BRIP1: variants seen among roughly 807,000 people sequenced by gnomAD.
The protein encoded by BRIP1 is Fanconi anemia group J protein.
BRIP1 carries 88 observed loss-of-function variants against 119.7 expected under a neutral mutation model. The ratio of observed to expected loss-of-function variants is 0.74; its 90% CI spans 0.62 to 0.88. The LOEUF (loss-of-function observed/expected upper bound fraction) is 0.88, where lower values mean the gene tolerates loss of function less well. Ranked by LOEUF, BRIP1 falls within the 40% of genes least tolerant of loss-of-function variation. The pLI is 0.00. For missense variants in BRIP1, 1,259 were observed against 1,455.4 expected, an observed-to-expected ratio of 0.87 and a Z score of 2.20; for synonymous variants, 443 against 496.5, an observed-to-expected ratio of 0.89 and a Z score of 1.43.
rs565079824 is a variant in BRIP1 at position 61,704,694 on chromosome 17, ATTTTGTGGG to A, written c.2493-11191_2493-11183del. 3.3e-3 allele frequency among the ~76,000 whole-genome samples: 504 copies of A among 152,166 alleles called. 1 individual carries two copies. Among genetic ancestry groups the A allele is most frequent in the African/African-American group, 0.011 (467 of 41,526 alleles). On this transcript the variant is annotated intron_variant, in intron 17 of 19. Coordinates refer to ENST00000259008, the MANE Select transcript of BRIP1 (RefSeq NM_032043.3). This position sits in a 1 kb window ranked among gnomAD's most constrained non-coding sequence, Gnocchi z 5.7. ...TATTTCATCTTGGGTGAATTTTGGT[ATTTTGTGGG>A]TTTTGTGGAATTAATCTACTTCATC...
chr17:61,764,768 T>G (rs1001452706), intron 14 of BRIP1, among the ~76,000 whole-genome samples: 1 of 152,224 alleles, frequency 6.6e-6, no homozygotes, highest in South Asian at 2.1e-4. Flanking sequence ...GCTTCCTATA[T>G]TTATCCTTAC....
At chr17:61,714,860 G>A (rs982233180) in intron 17 of BRIP1, among the ~76,000 whole-genome samples, 2 of 147,520 alleles carry the variant, frequency 1.4e-5, no homozygotes, top group African/African-American at 2.5e-5. Context: ...GGAATGCAGT[G>A]GCATGATTTT....
intron 3 of BRIP1, among the ~76,000 whole-genome samples, chr17:61,858,353 A>G (rs1432692198): frequency 1.3e-5 from 2 of 151,608 alleles, no homozygotes; most frequent in Non-Finnish European, 2.9e-5. Flanking sequence ...ATGAACAACC[A>G]AAAGCTTATG....
intron 17 of BRIP1, among the ~76,000 whole-genome samples, chr17:61,694,704 A>T (rs2061497236): frequency 6.6e-6 from 1 of 151,914 alleles, no homozygotes; most frequent in Admixed American, 6.6e-5. Context: ...ACCCTTCTAA[A>T]AATATATCTA....
rs2077242593 is a variant in BRIP1, at chr17:61,759,244, A to G, written c.2098-14653T>C. Among the ~76,000 whole-genome samples the G allele has an allele frequency of 6.6e-6, 1 of 152,148 alleles. No individual in the cohort carries two copies. Among genetic ancestry groups the G allele is most frequent in the Non-Finnish European group, 1.5e-5 (1 of 68,026 alleles). On this transcript the variant is annotated intron_variant, in intron 14 of 19. Transcript: ENST00000259008. The surrounding 1 kb of genome is among the most constrained non-coding windows in gnomAD (Gnocchi z 4.9). ...GAGCAGCTGAAAAAAGCTATTCAAC[A>G]AAATGGAAACCAAAAGAGAGTGGGG...
chr17:61,808,551 G>A lies in BRIP1; in HGVS notation c.834C>T (p.Ser278=), dbSNP rs1060501725. Residue 278 remains serine, a synonymous_variant, in exon 7 of 20, where the codon AGC becomes AGT. Transcript: ENST00000259008. The surrounding 1 kb of genome is among the most constrained non-coding windows in gnomAD (Gnocchi z 4.1). ...YSGVPMTILS[S]RDHTCVHPEV... The stretch of plus-strand genomic sequence containing the variant: ...CAGGATGGACACAAGTATGATCCCT[G>A]CTGGAAAGAATAGTCATTGGAACCC... 4 of 1,613,262 alleles carry A rather than the reference G, an allele frequency of 2.5e-6. No homozygotes were observed. The highest frequency in any genetic ancestry group is 3.4e-6 in the Non-Finnish European group (4 of 1,179,252).
chr17:61,702,945 T>C (rs1048094743), intron 17 of BRIP1, among the ~76,000 whole-genome samples: 4 of 152,004 alleles, frequency 2.6e-5, no homozygotes, highest in Admixed American at 6.6e-5. Context: ...GTGGTCCTTT[T>C]TCTCTGTAAC....
chr17:61,787,000 A>G (rs2077727755), intron 10 of BRIP1, among the ~76,000 whole-genome samples: 1 of 117,044 alleles, frequency 8.5e-6, no homozygotes, highest in Non-Finnish European at 1.6e-5. Context: ...ATTTATAAAT[A>G]ATTTTATAAA....
In BRIP1 at chr17:61,695,337, TTGA is replaced by T. The variant is rs1329282160; in HGVS notation, c.2493-1828_2493-1826del. On this transcript the variant is annotated intron_variant, in intron 17 of 19. Transcript: ENST00000259008. The surrounding 1 kb of genome is among the most constrained non-coding windows in gnomAD (Gnocchi z 4.3). Reference sequence around the variant, plus strand: ...GTTTATGGACCCTCAATTCTACCCATTGATCTATACATCTGTCTTTATGCCAGT... The same window carrying T: ...GTTTATGGACCCTCAATTCTACCCATTCTATACATCTGTCTTTATGCCAGT... 2.7e-4 allele frequency among the ~76,000 whole-genome samples: 41 copies of T among 152,196 alleles called. No homozygotes were observed. The highest frequency in any genetic ancestry group is 4.9e-4 in the Non-Finnish European group (33 of 67,994).
At chr17:61,772,157 T>TTATATA (rs71150699) in intron 14 of BRIP1, among the ~76,000 whole-genome samples, 126 of 76,802 alleles carry the variant, frequency 1.6e-3, no homozygotes, top group African/African-American at 2.3e-3. Flanking sequence ...AAATGTGAGA[T>TTATATA]TATATATATA....
intron 6 of BRIP1, among the ~76,000 whole-genome samples, chr17:61,835,825 A>T (rs114369100): frequency 0.01 from 1,572 of 152,338 alleles, 18 homozygotes; most frequent in African/African-American, 0.035. Flanking sequence ...CAACTGATCA[A>T]CTATTTGGGA....
intron 6 of BRIP1, among the ~76,000 whole-genome samples, chr17:61,836,471 CCT>C (rs2145660958): frequency 6.6e-6 from 1 of 152,120 alleles, no homozygotes; most frequent in Non-Finnish European, 1.5e-5. Flanking sequence ...ACTGTCATAC[CCT>C]CTTAGGTATA....
Position 61,683,604 on chromosome 17 carries a change from C to T in BRIP1, c.3442G>A (p.Asp1148Asn), listed in dbSNP as rs2144075841. ...DPEDTDEEKN[D>N]LAETDRGNRL... ...TTTCCTCTATCAGTTTCAGCTAGGT[C>T]ATTTTTTTCTTCATCTGTATCTTCA... The change falls in exon 20 of 20, where the codon GAC becomes AAC. Residue 1148 changes from aspartate to asparagine, a missense_variant. Transcript: ENST00000259008. The surrounding 1 kb of genome is among the most constrained non-coding windows in gnomAD (Gnocchi z 4.7). 6.2e-7 allele frequency: 1 copy of T among 1,612,150 alleles called. No homozygotes were observed. Among genetic ancestry groups the T allele is most frequent in the East Asian group, 2.2e-5 (1 of 44,870 alleles).
At chr17:61,732,235 G>A (rs989048745) in intron 16 of BRIP1, among the ~76,000 whole-genome samples, 3 of 151,764 alleles carry the variant, frequency 2.0e-5, no homozygotes, top group East Asian at 1.9e-4. Context: ...CACCCACCTC[G>A]GCCTCCAAGT....
At chr17:61,715,892 TA>T in intron 17 of BRIP1, 58 bp downstream of exon 17, 4 of 1,125,210 alleles carry the variant, frequency 3.6e-6, no homozygotes, top group Non-Finnish European at 5.2e-6. Flanking sequence ...GTAGCAAGAC[TA>T]GATTTATATA....
chr17:61,765,496 C>T (rs532972528), intron 14 of BRIP1, among the ~76,000 whole-genome samples: 4 of 118,576 alleles, frequency 3.4e-5, no homozygotes, highest in East Asian at 5.9e-4. Context: ...GAGTGCATGG[C>T]GTGATCTTGG....
chr17:61,793,709 T>A lies in BRIP1; in HGVS notation c.1361A>T (p.Glu454Val), dbSNP rs769918040. Residue 454 changes from glutamate (E) to valine (V), a missense_variant, in exon 10 of 20, where the codon GAA becomes GTA. Coordinates refer to ENST00000259008, the MANE Select transcript of BRIP1 (RefSeq NM_032043.3). This position sits in a 1 kb window ranked among gnomAD's most constrained non-coding sequence, Gnocchi z 5.2. ...SLINWLEANA[E>V]YLVERDYESA... ...TTCATAATCTCTTTCTACAAGATAT[T>A]CAGCGTTTGCTTCTAACCAACTGAA... is the stretch of plus-strand genomic sequence containing the variant. 1.9e-6 allele frequency: 3 copies of A among 1,610,566 alleles called. No individual in the cohort carries two copies. The East Asian group carries it at 6.7e-5, about 36-fold the overall frequency.
At position 61,803,944 on chromosome 17, in the gene BRIP1, A is replaced by C. The variant is rs1013668623; in HGVS notation, c.919-2470T>G. Among the ~76,000 whole-genome samples, 1 of 152,160 alleles carries C rather than the reference A, an allele frequency of 6.6e-6. No individual in the cohort carries two copies. Among genetic ancestry groups the C allele is most frequent in the Non-Finnish European group, 1.5e-5 (1 of 68,012 alleles). On this transcript the variant is annotated intron_variant, in intron 7 of 19. Transcript: ENST00000259008. This position sits in a 1 kb window ranked among gnomAD's most constrained non-coding sequence, Gnocchi z 4.3. ...ATTAATACAAAAACTTTAGCCCTTA[A>C]AAATGATTTAGATTTGTCTATGTGT...
chr17:61,801,177 A>T (rs2077984095), intron 8 of BRIP1, 76 bp downstream of exon 8: 2 of 1,400,078 alleles, frequency 1.4e-6, no homozygotes, highest in Admixed American at 1.7e-5. Context: ...AAATTAAAAC[A>T]TCTAAAAGCT....
Sources: gnomAD v4.1 joint callset for allele counts (sites outside exome capture counted in the v4.1 genomes callset) on GRCh38, gnomAD v4.1.1 for gene constraint, Gnocchi (gnomAD v3.1) non-coding constraint, MANE v1.5 for transcripts, NCBI Gene and HGNC (gene_info 2026-07-23, HGNC 2026-07-21) for gene names.